PGBD5: variants seen among roughly 807,000 people sequenced by gnomAD.
PGBD5 encodes the protein piggyBac transposable element derived 5.
PGBD5 carries 14 observed loss-of-function variants against 47.9 expected under a neutral mutation model. The ratio of observed to expected loss-of-function variants is 0.29; its 90% CI spans 0.19 to 0.46. The LOEUF is 0.46. Ranked by LOEUF, PGBD5 falls within the 20% of genes least tolerant of loss-of-function variation. The probability of loss-of-function intolerance (pLI) is 1.00; values close to 1 mark genes in which losing one functional copy is unlikely to be tolerated. For synonymous variants in PGBD5, 316 were observed against 306.3 expected, an observed-to-expected ratio of 1.03 and a Z score of -0.33; for missense variants, 635 against 716.0, an observed-to-expected ratio of 0.89 and a Z score of 1.29.
intron 4 of PGBD5, among the ~76,000 whole-genome samples, 163 bp downstream of exon 4, chr1:230,336,945 C>T (rs1025193115): frequency 5.3e-5 from 8 of 152,236 alleles, no homozygotes; most frequent in East Asian, 1.9e-4. Flanking sequence ...ATCCAGCACA[C>T]AGGGTGGCTG....
intron 1 of PGBD5, among the ~76,000 whole-genome samples, chr1:230,360,347 C>T (rs1667722783): frequency 6.6e-6 from 1 of 151,182 alleles, no homozygotes; most frequent in Non-Finnish European, 1.5e-5. Context: ...AGTCCTGGCA[C>T]AGGTGAATCA....
In PGBD5 at chr1:230,351,025, C is replaced by T. The variant is rs778680701; in HGVS notation, c.827G>A (p.Arg276Gln). The change falls in exon 3 of 7, where the codon CGA becomes CAA. Residue 276 changes from arginine (R) to glutamine (Q), a missense_variant. Coordinates refer to ENST00000391860, the MANE Select transcript of PGBD5 (RefSeq NM_001258311.2). ...FIATCTEREL[R>Q]KRKKRKFSLW... Reference sequence around the variant, plus strand: ...GCTGAATTTCCGCTTTTTCCTCTTTCGCAGCTCCCGCTCTGTGCACGTGGC... The same window carrying T: ...GCTGAATTTCCGCTTTTTCCTCTTTTGCAGCTCCCGCTCTGTGCACGTGGC... 2.5e-6 allele frequency: 4 copies of T among 1,614,070 alleles called. No individual in the cohort carries two copies. The highest frequency in any genetic ancestry group is 3.4e-6 in the Non-Finnish European group (4 of 1,179,996).
At position 230,337,101 on chromosome 1, in the gene PGBD5, G is replaced by C. The variant is rs190789504; in HGVS notation, c.1075+7C>G. On this transcript the variant is annotated splice_region_variant and intron_variant, in intron 4 of 6. Transcript: ENST00000391860. ...CCGTATCCTCACTGGCTCCCCACTT[G>C]ACTAACCTTGCTTCTCAAACTCTTC... The C allele has an allele frequency of 2.9e-4, 475 of 1,612,946 alleles. No individual in the cohort carries two copies. In the African/African-American group the frequency reaches 5.7e-3, roughly 19 times the overall value.
intron 1 of PGBD5, among the ~76,000 whole-genome samples, chr1:230,422,568 A>G (rs1226232224): frequency 6.6e-6 from 1 of 152,192 alleles, no homozygotes; most frequent in Non-Finnish European, 1.5e-5. Context: ...CTAGCCCGAC[A>G]AGCATAGCGT....
At chr1:230,336,838 C>G (rs76155093) in intron 4 of PGBD5, among the ~76,000 whole-genome samples, 2 of 151,962 alleles carry the variant, frequency 1.3e-5, no homozygotes, top group Admixed American at 6.5e-5. Context: ...AGGGGACACA[C>G]AAATGCCCCG....
intron 1 of PGBD5, among the ~76,000 whole-genome samples, chr1:230,394,954 C>T (rs1656892099): frequency 7.0e-6 from 1 of 143,298 alleles, no homozygotes; most frequent in Non-Finnish European, 1.5e-5. Context: ...TCCTGCTGAT[C>T]CCCAAGCTCC....
chr1:230,376,112 A>AGT (rs71173794), intron 1 of PGBD5, among the ~76,000 whole-genome samples: 55,545 of 151,810 alleles, frequency 0.37, 10,492 homozygotes, highest in Non-Finnish European at 0.42. Context: ...GCGTGGGCAG[A>AGT]GTCACAGGGT....
At chr1:230,325,769 GC>G (rs921004154) in intron 5 of PGBD5, among the ~76,000 whole-genome samples, 1 of 152,068 alleles carries the variant, frequency 6.6e-6, no homozygotes, top group Non-Finnish European at 1.5e-5. Flanking sequence ...CGGAGACAGG[GC>G]TCACTCCTCC....
intron 5 of PGBD5, among the ~76,000 whole-genome samples, chr1:230,327,014 G>A (rs138620439): frequency 1.6e-3 from 237 of 152,178 alleles, no homozygotes; most frequent in Non-Finnish European, 2.5e-3. Flanking sequence ...TCCTTGCCCC[G>A]CTGCCAAGCC....
intron 1 of PGBD5, among the ~76,000 whole-genome samples, chr1:230,416,291 A>C (rs2102753137): frequency 6.6e-6 from 1 of 151,856 alleles, no homozygotes; most frequent in South Asian, 2.1e-4. Flanking sequence ...TGCCCCATTA[A>C]CTCTTCCACT....
intron 1 of PGBD5, among the ~76,000 whole-genome samples, chr1:230,392,032 A>G (rs1352333895): frequency 6.6e-6 from 1 of 152,250 alleles, no homozygotes; most frequent in Non-Finnish European, 1.5e-5. Flanking sequence ...TTTCATAGGA[A>G]AAGGCTGGAC....
intron 1 of PGBD5, among the ~76,000 whole-genome samples, chr1:230,420,198 G>A (rs528800865): frequency 6.6e-6 from 1 of 152,196 alleles, no homozygotes; most frequent in East Asian, 1.9e-4. Flanking sequence ...GCAAACAAAG[G>A]GGAGAGAGAA....
rs1666934001 is a variant in PGBD5, at chr1:230,315,957, AGT to A, written c.*7466_*7467del. On this transcript the variant is annotated 3_prime_UTR_variant, in exon 7 of 7. Transcript: ENST00000391860. ...ATATATGTATGTGTATACATACATA[AGT>A]ATATGTGTACACATATATGTATGTG... 1.6e-5 allele frequency: 1 copy of A among 62,042 alleles called. No individual in the cohort carries two copies. The highest frequency in any genetic ancestry group is 3.8e-5 in the Non-Finnish European group (1 of 26,426). The allele number at this position is 62,042 out of a possible 1,614,324, so 3.8% of individuals were successfully genotyped here. A position where few individuals can be genotyped will look rare whatever the true frequency, so the allele number is the denominator to read the frequency against.
chr1:230,375,814 T>TTTTTG (rs372324617), intron 1 of PGBD5, among the ~76,000 whole-genome samples: 15 of 151,988 alleles, frequency 9.9e-5, no homozygotes, highest in East Asian at 7.7e-4. Context: ...ACAGTTGTTT[T>TTTTTG]TTTTGTTTTG....
chr1:230,356,935 G>T lies in PGBD5; in HGVS notation c.718C>A (p.Gln240Lys), dbSNP rs1667656161. The T allele has an allele frequency of 6.2e-7, 1 of 1,614,186 alleles. No individual in the cohort carries two copies. The highest frequency in any genetic ancestry group is 1.1e-5 in the South Asian group (1 of 91,074). ...YKVQPFLDSL[Q>K]NSFDSAFRPS... ...CTGAAGGCAGAGTCGAAGCTGTTCT[G>T]CAGGGAGTCGAGGAAGGGCTGGACC... The change falls in exon 2 of 7, where the codon CAG becomes AAG. Residue 240 changes from glutamine to lysine, a missense_variant. By Grantham distance (53) the Gln-to-Lys change is moderately conservative (BLOSUM62 1). Transcript: ENST00000391860.
intron 1 of PGBD5, among the ~76,000 whole-genome samples, chr1:230,395,001 T>C: frequency 9.9e-6 from 1 of 100,534 alleles, no homozygotes; most frequent in African/African-American, 4.0e-5. Context: ...CTCCTCCCAC[T>C]CCTCCCCATC....
Position 230,416,040 on chromosome 1 carries a change from T to C in PGBD5, c.331+9558A>G, listed in dbSNP as rs1287879379. On this transcript the variant is annotated intron_variant, in intron 1 of 6. Transcript: ENST00000391860. ...AAAAGCATCTGCATATAGTAAGTGA[T>C]ATACAAGCATTTGTTAAATGAATAA... Among the ~76,000 whole-genome samples, 3 of 152,212 alleles carry C rather than the reference T, an allele frequency of 2.0e-5. No homozygotes were observed. The East Asian group carries it at 5.8e-4, about 29-fold the overall frequency.
At chr1:230,424,116 C>T (rs1289222937) in intron 1 of PGBD5, among the ~76,000 whole-genome samples, 1 of 152,174 alleles carries the variant, frequency 6.6e-6, no homozygotes, top group Non-Finnish European at 1.5e-5. Flanking sequence ...CCCAGGTGGA[C>T]CTGGATCTCA....
At chr1:230,339,975 G>A (rs546695072) in intron 3 of PGBD5, among the ~76,000 whole-genome samples, 7 of 152,030 alleles carry the variant, frequency 4.6e-5, no homozygotes, top group African/African-American at 1.2e-4. Flanking sequence ...TTGCCAAGAC[G>A]GTCGATTTTA....
Sources: allele counts gnomAD v4.1 joint callset (sites outside exome capture counted in the v4.1 genomes callset), GRCh38; gene constraint gnomAD v4.1.1; transcripts MANE v1.5; gene names NCBI Gene and HGNC (gene_info 2026-07-23, HGNC 2026-07-21).